BAZ1A: variants seen among roughly 807,000 people sequenced by gnomAD.
The protein encoded by BAZ1A is bromodomain adjacent to zinc finger domain 1A.
BAZ1A carries 50 observed loss-of-function variants against 185.2 expected under a neutral mutation model. The ratio of observed to expected loss-of-function variants is 0.27; its 90% CI spans 0.22 to 0.34. The LOEUF (loss-of-function observed/expected upper bound fraction) is 0.34. Ranked by LOEUF, BAZ1A falls within the 10% of genes least tolerant of loss-of-function variation. BAZ1A has a pLI of 1.00. For missense variants in BAZ1A, 1,356 were observed against 1,839.9 expected, an observed-to-expected ratio of 0.74 and a Z score of 4.81; for synonymous variants, 571 against 615.6, an observed-to-expected ratio of 0.93 and a Z score of 1.07.
intron 3 of BAZ1A, among the ~76,000 whole-genome samples, chr14:34,850,053 C>A (rs149248460): frequency 6.6e-6 from 1 of 152,014 alleles, no homozygotes; most frequent in African/African-American, 2.4e-5. Flanking sequence ...TATCTGTACG[C>A]ACAAATAGAC....
chr14:34,863,114 G>A (rs1301966691), intron 2 of BAZ1A, among the ~76,000 whole-genome samples: 4 of 137,388 alleles, frequency 2.9e-5, no homozygotes, highest in East Asian at 2.2e-4. Flanking sequence ...TCAGCTTCCC[G>A]AGCAGCTGGG....
At chr14:34,823,213 G>C (rs1156297772) in intron 4 of BAZ1A, among the ~76,000 whole-genome samples, 1 of 152,020 alleles carries the variant, frequency 6.6e-6, no homozygotes, top group African/African-American at 2.4e-5. Flanking sequence ...AACCTAGCTG[G>C]GAGTGGTGGC....
intron 4 of BAZ1A, among the ~76,000 whole-genome samples, chr14:34,819,951 G>A (rs1470875213): frequency 6.6e-6 from 1 of 151,726 alleles, no homozygotes; most frequent in Non-Finnish European, 1.5e-5. Context: ...CAGTGTTCTG[G>A]ATTTTGGTCA....
At chr14:34,756,223 C>A (rs1395455178) in intron 25 of BAZ1A, among the ~76,000 whole-genome samples, 1 of 150,796 alleles carries the variant, frequency 6.6e-6, no homozygotes, top group Non-Finnish European at 1.5e-5. Context: ...AAGCGATTGT[C>A]CTGCCTCAGC....
chr14:34,785,863 G>A lies in BAZ1A; in HGVS notation c.1745C>T (p.Thr582Ile), dbSNP rs1880406828. The A allele has an allele frequency of 6.2e-7, 1 of 1,613,964 alleles. No homozygotes were observed. Among genetic ancestry groups the A allele is most frequent in the African/African-American group, 1.3e-5 (1 of 74,920 alleles). Residue 582 changes from threonine (T) to isoleucine (I), a missense_variant, in exon 14 of 27, where the codon ACA (threonine) becomes ATA (isoleucine). Coordinates refer to ENST00000360310, the MANE Select transcript of BAZ1A (RefSeq NM_013448.3). ...RYQKRGGFDA[T>I]DDACMELRLS... ...ACGAAGCTCCATACAAGCATCATCT[G>A]TAGCATCAAATCCTCCTCGTTTTTG...
intron 21 of BAZ1A, chr14:34,768,795 A>T: frequency 2.5e-6 from 1 of 407,458 alleles, no homozygotes; most frequent in Non-Finnish European, 4.8e-6. Context: ...TTTCAAACTG[A>T]TATAGTTAGT....
intron 25 of BAZ1A, 56 bp from the exon 26 acceptor site, chr14:34,754,970 G>A: frequency 7.4e-7 from 1 of 1,347,508 alleles, no homozygotes; most frequent in Non-Finnish European, 1.0e-6. Flanking sequence ...GGAAAGAAGT[G>A]TTCAAATAAC....
chr14:34,760,868 T>C (rs548670122), intron 24 of BAZ1A, among the ~76,000 whole-genome samples: 1 of 151,536 alleles, frequency 6.6e-6, no homozygotes, highest in East Asian at 2.0e-4. Context: ...AATTAAAAAA[T>C]CAAAATTTTA....
intron 12 of BAZ1A, among the ~76,000 whole-genome samples, chr14:34,790,596 T>A (rs760381194): frequency 6.6e-6 from 1 of 151,934 alleles, no homozygotes; most frequent in Non-Finnish European, 1.5e-5. Flanking sequence ...TTAAGTGATC[T>A]GCCCACCTCA....
intron 3 of BAZ1A, among the ~76,000 whole-genome samples, chr14:34,829,538 C>T (rs991532304): frequency 6.6e-5 from 10 of 152,170 alleles, no homozygotes; most frequent in Non-Finnish European, 1.3e-4. Flanking sequence ...GAAGTCTCCT[C>T]TCCTTCCATT....
chr14:34,758,055 T>A lies in BAZ1A; in HGVS notation c.4386+649A>T, dbSNP rs147839950. 6.3e-3 allele frequency among the ~76,000 whole-genome samples: 932 copies of A among 148,880 alleles called. 15 individuals carry two copies. Among genetic ancestry groups the A allele is most frequent in the African/African-American group, 0.022 (896 of 40,280 alleles). On this transcript the variant is annotated intron_variant, in intron 25 of 26. Coordinates refer to ENST00000360310, the MANE Select transcript of BAZ1A (RefSeq NM_013448.3). ...AGCCACAGCGCCCGGCCAACCCTAT[T>A]GTTTTGAACATAGGAACTGATGTTC... is the stretch of plus-strand genomic sequence containing the variant.
rs766254750 is a variant in BAZ1A, at chr14:34,761,945, A to C, written c.4055T>G (p.Leu1352Arg). ...GCCTCTGCGTTTTCTACGAGGACTAAGCAATTCCACAAATACATCTGCTTG... is the reference window on the plus strand; with the variant it reads ...GCCTCTGCGTTTTCTACGAGGACTACGCAATTCCACAAATACATCTGCTTG... ...PLQADVFVELLSPRRKRRGRK... is the reference protein window; with the variant it reads ...PLQADVFVELRSPRRKRRGRK... Residue 1352 changes from leucine (L) to arginine (R), a missense_variant, in exon 24 of 27, where the codon CTT becomes CGT. Physicochemically the swap from Leu to Arg is moderately radical, Grantham distance 102 (BLOSUM62 -2). This residue lies in a region of BAZ1A where 309 missense variants were observed against 355.3 expected (regional missense o/e 0.87). Coordinates refer to ENST00000360310, the MANE Select transcript of BAZ1A (RefSeq NM_013448.3). 7 of 1,614,202 alleles carry C rather than the reference A, an allele frequency of 4.3e-6. No individual in the cohort carries two copies. The South Asian group carries it at 7.7e-5, about 18-fold the overall frequency.
At chr14:34,759,019 T>A (rs971929638) in intron 24 of BAZ1A, among the ~76,000 whole-genome samples, 173 bp from the exon 25 acceptor site, 4 of 152,086 alleles carry the variant, frequency 2.6e-5, no homozygotes, top group Non-Finnish European at 4.4e-5. Flanking sequence ...GACCAAATAG[T>A]CATTATTTCC....
Position 34,874,444 on chromosome 14 carries a change from G to C in BAZ1A, c.113+48C>G. 1 of 1,504,342 alleles carries C rather than the reference G, an allele frequency of 6.6e-7. No individual in the cohort carries two copies. The highest frequency in any genetic ancestry group is 9.2e-7 in the Non-Finnish European group (1 of 1,082,780). The allele number at this position is 1,504,342 out of a possible 1,614,324, so 93.2% of individuals were successfully genotyped here. A position where few individuals can be genotyped will look rare whatever the true frequency, so the allele number is the denominator to read the frequency against. ...GGAGAGAGACAAAAGAGCGCTGCGG[G>C]GGGAGTCCCCACACCCCCCGCGGCC... On this transcript the variant is annotated intron_variant, in intron 2 of 26. Transcript: ENST00000360310. This position sits in a 1 kb window ranked among gnomAD's most constrained non-coding sequence, Gnocchi z 4.7.
Position 34,753,272 on chromosome 14 carries a change from T to C in BAZ1A, c.*236A>G. The C allele has an allele frequency of 2.4e-6, 1 of 424,384 alleles. No individual in the cohort carries two copies. The highest frequency in any genetic ancestry group is 2.0e-5 in the African/African-American group (1 of 49,620). The allele number at this position is 424,384 out of a possible 1,614,324, so 26.3% of individuals were successfully genotyped here. A position where few individuals can be genotyped will look rare whatever the true frequency, so the allele number is the denominator to read the frequency against. ...GATCTCAAAAATGTACAAAAACCTCTGTAAACCAGTACTGTATCCAATACA... is the reference window on the plus strand; with the variant it reads ...GATCTCAAAAATGTACAAAAACCTCCGTAAACCAGTACTGTATCCAATACA... On this transcript the variant is annotated 3_prime_UTR_variant, in exon 27 of 27. Coordinates refer to ENST00000360310, the MANE Select transcript of BAZ1A (RefSeq NM_013448.3).
intron 2 of BAZ1A, among the ~76,000 whole-genome samples, chr14:34,866,502 A>AAAAAAAAAAAAAGAAAG: frequency 0.013 from 1,066 of 79,334 alleles, 106 homozygotes; most frequent in East Asian, 0.019. Context: ...AAAAAAAAAA[A>AAAAAAAAAAAAAGAAAG]GAAAAAAGTT....
In BAZ1A at chr14:34,835,889, T is replaced by G. The variant is rs1039889718; in HGVS notation, c.393-9733A>C. Among the ~76,000 whole-genome samples the G allele has an allele frequency of 3.3e-5, 5 of 151,558 alleles. 1 individual carries two copies. The highest frequency in any genetic ancestry group is 4.9e-5 in the African/African-American group (2 of 41,018). On this transcript the variant is annotated intron_variant, in intron 3 of 26. Transcript: ENST00000360310. ...TTTCTCCATGTTGGTCAGGCTAGTC[T>G]TGAACTCCCGACCTCAGGTGATCTG...
chr14:34,783,749 A>T lies in BAZ1A; in HGVS notation c.1997+13T>A, dbSNP rs1435244688. ...CAGCTTTCATTAACACAACTATTACAATTATCTCTTACCTGGCAGCTGCTT... is the reference window on the plus strand; with the variant it reads ...CAGCTTTCATTAACACAACTATTACTATTATCTCTTACCTGGCAGCTGCTT... On this transcript the variant is annotated intron_variant, in intron 15 of 26. Transcript: ENST00000360310. The T allele has an allele frequency of 1.2e-6, 2 of 1,601,022 alleles. No individual in the cohort carries two copies.
At chr14:34,869,099 C>T (rs2042911590) in intron 2 of BAZ1A, among the ~76,000 whole-genome samples, 1 of 151,514 alleles carries the variant, frequency 6.6e-6, no homozygotes, top group Admixed American at 6.6e-5. Context: ...CCCAGCTGCT[C>T]GGGAGGCTGA....
Sources: gnomAD v4.1 joint callset for allele counts (sites outside exome capture counted in the v4.1 genomes callset) on GRCh38, gnomAD v4.1.1 for gene constraint, gnomAD v4.1.1 regional missense constraint, Gnocchi (gnomAD v3.1) non-coding constraint, MANE v1.5 for transcripts, NCBI Gene and HGNC (gene_info 2026-07-23, HGNC 2026-07-21) for gene names.